CYRIB: variants seen among roughly 807,000 people sequenced by gnomAD.
CYRIB encodes CYFIP related Rac1 interactor B.
In CYRIB, 8 loss-of-function variants were observed where a neutral mutation model predicts 44.2. The ratio of observed to expected loss-of-function variants is 0.18; its 90% CI spans 0.11 to 0.33. The LOEUF is 0.33. Among genes scored for constraint, CYRIB ranks in the 10% least tolerant of loss-of-function variants. The pLI is 1.00. For missense variants in CYRIB, 185 were observed against 382.8 expected (o/e 0.48, Z 4.31); for synonymous variants, 131 against 127.2 (o/e 1.03, Z -0.20).
chr8:129,999,457 G>A (rs979163719), intron 1 of CYRIB, among the ~76,000 whole-genome samples: 2 of 152,224 alleles, frequency 1.3e-5, no homozygotes, highest in Admixed American at 6.5e-5. Flanking sequence ...CGTGCGCCAC[G>A]CACCCAAGGA....
chr8:129,847,660 G>C (rs2040877907), intron 10 of CYRIB, among the ~76,000 whole-genome samples: 1 of 152,132 alleles, frequency 6.6e-6, no homozygotes, highest in African/African-American at 2.4e-5. Flanking sequence ...GGCAGCAGGG[G>C]ACTCACAGGT....
chr8:129,840,615 C>A (rs139826181), exon 12 of CYRIB: 4 of 152,252 alleles, frequency 2.6e-5, no homozygotes, highest in Admixed American at 2.6e-4. Flanking sequence ...GTAATAGAAG[C>A]TAACCCTTCA....
intron 4 of CYRIB, among the ~76,000 whole-genome samples, chr8:129,863,199 G>A (rs998430046): frequency 1.3e-5 from 2 of 152,076 alleles, no homozygotes; most frequent in African/African-American, 2.4e-5. Flanking sequence ...AACTACCTAC[G>A]ACTTAAGAAC....
chr8:129,907,288 T>C (rs1180554677), intron 1 of CYRIB, among the ~76,000 whole-genome samples: 4 of 152,156 alleles, frequency 2.6e-5, no homozygotes, highest in Non-Finnish European at 5.9e-5. Context: ...TGAGTTTAGG[T>C]CCTTTGTAGG....
intron 1 of CYRIB, among the ~76,000 whole-genome samples, chr8:129,905,839 T>C (rs1164784213): frequency 6.6e-6 from 1 of 152,104 alleles, no homozygotes; most frequent in Non-Finnish European, 1.5e-5. Flanking sequence ...AGAAATCAAA[T>C]ATCAGGTCAT....
chr8:129,978,154 A>G (rs1308011497), intron 1 of CYRIB, among the ~76,000 whole-genome samples: 1 of 152,102 alleles, frequency 6.6e-6, no homozygotes, highest in Non-Finnish European at 1.5e-5. Context: ...CCTGGCCTTA[A>G]CAATCCTCCC....
chr8:129,861,093 A>T (rs967447449), intron 5 of CYRIB, among the ~76,000 whole-genome samples: 2 of 152,242 alleles, frequency 1.3e-5, no homozygotes, highest in Non-Finnish European at 2.9e-5. Flanking sequence ...ATGTTTATAC[A>T]TTTCAAAAAT....
At chr8:129,896,023 T>TAA in intron 2 of CYRIB, among the ~76,000 whole-genome samples, 1 of 152,230 alleles carries the variant, frequency 6.6e-6, no homozygotes. Context: ...TTTTCTATTA[T>TAA]TTAGAACCAT....
chr8:129,912,539 CA>C (rs1303424616), intron 1 of CYRIB: 1 of 151,782 alleles, frequency 6.6e-6, no homozygotes, highest in Non-Finnish European at 1.5e-5. Context: ...AGAAAAAAGC[CA>C]TATAATTACC....
At chr8:129,996,290 ACGG>A (rs1300018961) in intron 1 of CYRIB, among the ~76,000 whole-genome samples, 1 of 152,026 alleles carries the variant, frequency 6.6e-6, no homozygotes, top group African/African-American at 2.4e-5. Flanking sequence ...CCCACAGGCC[ACGG>A]CAGCTCAGAC....
At chr8:129,927,567 T>C (rs990427182) in intron 1 of CYRIB, among the ~76,000 whole-genome samples, 5 of 152,216 alleles carry the variant, frequency 3.3e-5, no homozygotes, top group Non-Finnish European at 5.9e-5. Context: ...TCTCTATGAA[T>C]AAATGTGGAG....
intron 1 of CYRIB, among the ~76,000 whole-genome samples, chr8:129,924,373 C>G (rs989151699): frequency 7.3e-6 from 1 of 136,688 alleles, no homozygotes; most frequent in Admixed American, 8.2e-5. Context: ...AGGGGTAGAT[C>G]TGTTTCCAGA....
chr8:129,859,837 T>G (rs759854609), intron 5 of CYRIB, among the ~76,000 whole-genome samples: 1 of 152,256 alleles, frequency 6.6e-6, no homozygotes, highest in Non-Finnish European at 1.5e-5. Flanking sequence ...CTATTCTTGT[T>G]TCATATTTTA....
At chr8:129,957,376 A>T (rs2094912824) in intron 2 of CYRIB, among the ~76,000 whole-genome samples, 1 of 152,206 alleles carries the variant, frequency 6.6e-6, no homozygotes, top group Admixed American at 6.5e-5. Context: ...CTCTGTCCCC[A>T]AGACTTAAAA....
chr8:129,987,061 G>T (rs2096482361), intron 1 of CYRIB, among the ~76,000 whole-genome samples: 2 of 152,160 alleles, frequency 1.3e-5, no homozygotes, highest in Admixed American at 1.3e-4. Context: ...TAGGAAAGGG[G>T]TACCTTCCCC....
chr8:129,871,671 G>A (rs2057273883), intron 3 of CYRIB, among the ~76,000 whole-genome samples, 175 bp from the exon 6 acceptor site: 1 of 152,104 alleles, frequency 6.6e-6, no homozygotes, highest in African/African-American at 2.4e-5. Context: ...ACATTTAAAT[G>A]ACTAGTTTCA....
chr8:129,926,363 C>T (rs1461179257), intron 1 of CYRIB, among the ~76,000 whole-genome samples: 1 of 152,182 alleles, frequency 6.6e-6, no homozygotes, highest in Non-Finnish European at 1.5e-5. Flanking sequence ...CTTTTTCAAG[C>T]ATCAAATTTC....
intron 1 of CYRIB, among the ~76,000 whole-genome samples, chr8:129,972,234 G>GC (rs908841909): frequency 2.6e-5 from 4 of 152,124 alleles, no homozygotes; most frequent in Non-Finnish European, 4.4e-5. Flanking sequence ...TCTTGCTATG[G>GC]CATGAGTGTG....
chr8:129,989,804 C>T (rs755456886), intron 1 of CYRIB, among the ~76,000 whole-genome samples: 3 of 130,312 alleles, frequency 2.3e-5, no homozygotes, highest in Non-Finnish European at 4.8e-5. Context: ...CTCCCCCCAC[C>T]CCACGACAGG....
Sources: allele counts gnomAD v4.1 joint callset (sites outside exome capture counted in the v4.1 genomes callset), GRCh38; gene constraint gnomAD v4.1.1; transcripts MANE v1.5; gene names NCBI Gene and HGNC (gene_info 2026-07-23, HGNC 2026-07-21).